Variants in TOP6BL observed in about 807,000 individuals in gnomAD.
The protein encoded by TOP6BL is TOP6B like initiator of meiotic double strand breaks.
chr11:66,762,773 C>A, the TOP6BL span, among the ~76,000 whole-genome samples: 2 of 152,032 alleles, frequency 1.3e-5, no homozygotes, highest in Non-Finnish European at 2.9e-5. Flanking sequence ...CCGGCCAATA[C>A]CTTTCTTTAT....
At chr11:66,800,824 C>A in the TOP6BL span, 3 of 942,988 alleles carry the variant, frequency 3.2e-6, no homozygotes, top group Non-Finnish European at 4.8e-6. Context: ...AACTAATTTT[C>A]TGACACCCCC....
At chr11:66,837,541 T>G in the TOP6BL span, among the ~76,000 whole-genome samples, 1 of 149,532 alleles carries the variant, frequency 6.7e-6, no homozygotes, top group African/African-American at 2.5e-5. Context: ...ACCTCCCAGG[T>G]TCAAGCAATT....
At chr11:66,790,148 A>G in the TOP6BL span, among the ~76,000 whole-genome samples, 1 of 152,114 alleles carries the variant, frequency 6.6e-6, no homozygotes, top group African/African-American at 2.4e-5. Flanking sequence ...GGCAGCCTGT[A>G]GTCCCAGCTA....
the TOP6BL span, chr11:66,843,123 G>A: frequency 6.2e-7 from 1 of 1,603,978 alleles, no homozygotes; most frequent in Non-Finnish European, 8.5e-7. Context: ...GCAGGCCACG[G>A]GCCGCTGCTG....
At chr11:66,760,084 AAAT>A in the TOP6BL span, among the ~76,000 whole-genome samples, 1 of 152,200 alleles carries the variant, frequency 6.6e-6, no homozygotes, top group African/African-American at 2.4e-5. Flanking sequence ...TAACTTTTAA[AAAT>A]AAACTTTCCC....
the TOP6BL span, among the ~76,000 whole-genome samples, chr11:66,790,674 C>T: frequency 1.3e-5 from 2 of 152,158 alleles, no homozygotes; most frequent in Non-Finnish European, 1.5e-5. Context: ...CATCTTTTCA[C>T]AATAGAGTGG....
At chr11:66,821,649 A>C in the TOP6BL span, 4 of 1,606,256 alleles carry the variant, frequency 2.5e-6, no homozygotes, top group Non-Finnish European at 3.4e-6. Context: ...TTAGGAGTCT[A>C]TACTTTGCTC....
At chr11:66,747,700 C>G in the TOP6BL span, among the ~76,000 whole-genome samples, 1 of 152,076 alleles carries the variant, frequency 6.6e-6, no homozygotes. Context: ...CTCACTTCAG[C>G]CTCAATCTTA....
the TOP6BL span, among the ~76,000 whole-genome samples, chr11:66,789,312 G>C: frequency 6.6e-6 from 1 of 152,134 alleles, no homozygotes; most frequent in Non-Finnish European, 1.5e-5. Flanking sequence ...AGATTTATGA[G>C]GGTGATAATT....
chr11:66,816,471 C>T, the TOP6BL span, among the ~76,000 whole-genome samples: 3 of 152,156 alleles, frequency 2.0e-5, no homozygotes, highest in Non-Finnish European at 2.9e-5. Context: ...CAACGTTAGC[C>T]GCACAATATA....
the TOP6BL span, among the ~76,000 whole-genome samples, chr11:66,815,268 T>C: frequency 1.3e-5 from 2 of 152,216 alleles, no homozygotes; most frequent in Non-Finnish European, 2.9e-5. Flanking sequence ...TCCTGAACTT[T>C]CTCAGTTAAC....
chr11:66,804,315 A>G, the TOP6BL span: 7 of 904,388 alleles, frequency 7.7e-6, 1 homozygote, highest in South Asian at 1.5e-4. Context: ...ATAAAAACAT[A>G]TAATCTAATG....
At chr11:66,836,249 C>T in the TOP6BL span, among the ~76,000 whole-genome samples, 1 of 152,082 alleles carries the variant, frequency 6.6e-6, no homozygotes, top group Non-Finnish European at 1.5e-5. Context: ...CGGAGTCTCA[C>T]TCTGTTGCCC....
chr11:66,788,354 T>A, the TOP6BL span: 2 of 1,032,612 alleles, frequency 1.9e-6, no homozygotes, highest in Non-Finnish European at 2.9e-6. Flanking sequence ...AAAGCCTAGG[T>A]CCATCAAAGT....
At chr11:66,802,843 A>T in the TOP6BL span, among the ~76,000 whole-genome samples, 1 of 152,214 alleles carries the variant, frequency 6.6e-6, no homozygotes, top group Non-Finnish European at 1.5e-5. Context: ...GTAGCAGCTC[A>T]TCATCATAGT....
chr11:66,755,113 GT>G, the TOP6BL span, among the ~76,000 whole-genome samples: 4 of 146,342 alleles, frequency 2.7e-5, no homozygotes, highest in Admixed American at 6.9e-5. Context: ...CTGCTTTGTA[GT>G]TTCTAGATTT....
chr11:66,778,629 C>T, the TOP6BL span, among the ~76,000 whole-genome samples: 1 of 152,116 alleles, frequency 6.6e-6, no homozygotes, highest in Non-Finnish European at 1.5e-5. Context: ...ATCAAGCTAC[C>T]AATGACTTTC....
chr11:66,782,801 C>A, the TOP6BL span, among the ~76,000 whole-genome samples: 1 of 152,074 alleles, frequency 6.6e-6, no homozygotes, highest in South Asian at 2.1e-4. Flanking sequence ...CATAGTTTTG[C>A]TATGTGTTCG....
the TOP6BL span, among the ~76,000 whole-genome samples, chr11:66,831,840 A>T: frequency 5.2e-4 from 78 of 151,448 alleles, no homozygotes; most frequent in African/African-American, 1.7e-3. Flanking sequence ...CTAAAAATAT[A>T]AAAAAAATTA....
Sources: gnomAD v4.1 joint callset for allele counts (sites outside exome capture counted in the v4.1 genomes callset) on GRCh38, gnomAD v4.1.1 for gene constraint, MANE v1.5 for transcripts, NCBI Gene and HGNC (gene_info 2026-07-23, HGNC 2026-07-21) for gene names.